The following HGD variants were observed in gnomAD, a reference collection of about 807,000 sequenced individuals.
HGD encodes the protein homogentisate 1,2-dioxygenase, also known as homogentisate oxidase.
In HGD, 61 loss-of-function variants were observed where a neutral mutation model predicts 60.8. That is an observed-to-expected ratio of 1.00 (90% CI 0.82 to 1.24). HGD has a LOEUF of 1.24. Ranked by LOEUF, HGD falls within the 50% of genes most tolerant of loss-of-function variation. HGD has a pLI of 0.00. For missense variants in HGD, 542 were observed against 547.1 expected (o/e 0.99, Z 0.09); for synonymous variants, 212 against 187.7 (o/e 1.13, Z -1.06).
At chr3:120,671,416 T>C (rs1188728307) in intron 3 of HGD, among the ~76,000 whole-genome samples, 2 of 152,220 alleles carry the variant, frequency 1.3e-5, no homozygotes, top group African/African-American at 4.8e-5. Context: ...ATAGTTTTTC[T>C]GTGAATTACT....
intron 4 of HGD, among the ~76,000 whole-genome samples, chr3:120,667,223 G>C (rs995692667): frequency 7.3e-5 from 11 of 150,580 alleles, no homozygotes; most frequent in African/African-American, 2.7e-4. Flanking sequence ...CTACTCAGGG[G>C]ACTGAGGTAG....
Position 120,638,350 on chromosome 3 carries a change from T to C in HGD, c.1006+105A>G. 2.2e-6 allele frequency: 3 copies of C among 1,365,800 alleles called. 1 individual carries two copies. Among genetic ancestry groups the C allele is most frequent in the South Asian group, 2.3e-5 (2 of 85,422 alleles). The allele number at this position is 1,365,800 out of a possible 1,614,324, so 84.6% of individuals were successfully genotyped here. On this transcript the variant is annotated intron_variant, in intron 12 of 13. Coordinates refer to ENST00000283871, the MANE Select transcript of HGD (RefSeq NM_000187.4). ...GCAGCAGGATCCTGAATTCATGCCA[T>C]GGTGGGTGTCCAGAAATAACCCAGG...
intron 3 of HGD, among the ~76,000 whole-genome samples, chr3:120,670,852 T>A (rs953159114): frequency 6.6e-6 from 1 of 152,218 alleles, no homozygotes; most frequent in Non-Finnish European, 1.5e-5. Context: ...TTGAGGGATA[T>A]CTGTGTAGGA....
chr3:120,676,556 C>T (rs535449991), intron 1 of HGD, among the ~76,000 whole-genome samples: 10 of 152,280 alleles, frequency 6.6e-5, no homozygotes, highest in African/African-American at 2.4e-4. Flanking sequence ...GGCTTTTTTG[C>T]TAGCCTATAA....
At chr3:120,653,398 G>C (rs553185933) in intron 4 of HGD, among the ~76,000 whole-genome samples, 1 of 152,324 alleles carries the variant, frequency 6.6e-6, no homozygotes, top group African/African-American at 2.4e-5. Context: ...GATAAGCCCA[G>C]CTGCCACGTT....
chr3:120,634,239 A>G (rs1940686547), intron 12 of HGD, among the ~76,000 whole-genome samples: 1 of 152,220 alleles, frequency 6.6e-6, no homozygotes, highest in South Asian at 2.1e-4. Context: ...TTGCTTTTAT[A>G]TGAGTTAAAT....
rs747286602 is a variant in HGD at position 120,628,455 on chromosome 3, C to G, written c.1263G>C (p.Glu421Asp). 2 of 1,614,008 alleles carry G rather than the reference C, an allele frequency of 1.2e-6. No homozygotes were observed. The highest frequency in any genetic ancestry group is 3.3e-5 in the Admixed American group (2 of 60,002). The change falls in exon 14 of 14, where the codon GAG becomes GAC. Residue 421 changes from glutamate (E) to aspartate (D), a missense_variant. Transcript: ENST00000283871. ...WGLKASRCLD[E>D]NYHKCWEPLK... ...GTGGCTCCCAGCACTTGTGGTAGTT[C>G]TCATCCAAACACCTGGAGGCCTTGA...
At chr3:120,676,758 A>G (rs1261925750) in intron 1 of HGD, among the ~76,000 whole-genome samples, 1 of 152,206 alleles carries the variant, frequency 6.6e-6, no homozygotes, top group African/African-American at 2.4e-5. Context: ...ATGAAAATGC[A>G]GTCTTGCTCA....
At chr3:120,639,707 C>A (rs907324936) in intron 11 of HGD, among the ~76,000 whole-genome samples, 2 of 150,488 alleles carry the variant, frequency 1.3e-5, no homozygotes, top group Non-Finnish European at 3.0e-5. Flanking sequence ...TGGGAGAATA[C>A]GGAGATTCCA....
intron 1 of HGD, among the ~76,000 whole-genome samples, chr3:120,681,421 T>A (rs1708228317): frequency 6.6e-6 from 1 of 152,230 alleles, no homozygotes; most frequent in East Asian, 1.9e-4. Context: ...GGACTTCGCA[T>A]TCAAACATAC....
chr3:120,639,985 C>T (rs1048593211), intron 11 of HGD, among the ~76,000 whole-genome samples: 3 of 151,830 alleles, frequency 2.0e-5, no homozygotes, highest in Non-Finnish European at 4.4e-5. Context: ...TCATGGGGAT[C>T]GATTCCCTGC....
Position 120,675,806 on chromosome 3 carries a change from G to T in HGD, c.73C>A (p.Leu25Met). 1 of 1,613,360 alleles carries T rather than the reference G, an allele frequency of 6.2e-7. No individual in the cohort carries two copies. The change falls in exon 2 of 14, where the codon CTG (leucine) becomes ATG (methionine). Residue 25 changes from leucine (L) to methionine (M), a missense_variant. By Grantham distance (15) the Leu-to-Met change is conservative. Coordinates refer to ENST00000283871, the MANE Select transcript of HGD (RefSeq NM_000187.4). ...SSEDPRCPGS[L>M]PEGQNNPQVC... is the part of the protein sequence containing the mutation. The stretch of plus-strand genomic sequence containing the variant: ...TTTGCTCATACCTGTCCTTCTGGCA[G>T]GGAACCTGGGCAGCGAGGATCCTCT...
chr3:120,669,329 C>A (rs1463316634), intron 4 of HGD, among the ~76,000 whole-genome samples: 5 of 151,570 alleles, frequency 3.3e-5, no homozygotes, highest in Non-Finnish European at 7.4e-5. Flanking sequence ...AATATTTTGA[C>A]CAACCTATAA....
intron 1 of HGD, among the ~76,000 whole-genome samples, chr3:120,676,238 C>A (rs1423279191): frequency 6.6e-6 from 1 of 152,194 alleles, no homozygotes; most frequent in African/African-American, 2.4e-5. Flanking sequence ...ACCCTGACAG[C>A]AAAACCCTCT....
chr3:120,667,578 A>T (rs1707929657), intron 4 of HGD, among the ~76,000 whole-genome samples: 1 of 151,970 alleles, frequency 6.6e-6, no homozygotes. Flanking sequence ...TTTAAAACCT[A>T]ACCTCCCACC....
rs1940480544 is a variant in HGD at position 120,628,240 on chromosome 3, C to CA, written c.*139dup. 1 of 942,660 alleles carries CA rather than the reference C, an allele frequency of 1.1e-6. No homozygotes were observed. Among genetic ancestry groups the CA allele is most frequent in the Admixed American group, 1.8e-5 (1 of 54,198 alleles). 58.4% of individuals were successfully genotyped at this position (942,660 alleles called of 1,614,324 possible). A position where few individuals can be genotyped will look rare whatever the true frequency, so the allele number is the denominator to read the frequency against. ...CCATAGAACTTTGCAAATGCGTTTC[C>CA]ATAAAAGTTCTGAGTTACTTGACTA... is the stretch of plus-strand genomic sequence containing the variant. On this transcript the variant is annotated 3_prime_UTR_variant, in exon 14 of 14. Coordinates refer to ENST00000283871, the MANE Select transcript of HGD (RefSeq NM_000187.4).
intron 4 of HGD, among the ~76,000 whole-genome samples, chr3:120,662,260 C>T (rs1462835642): frequency 6.6e-6 from 1 of 151,986 alleles, no homozygotes; most frequent in South Asian, 2.1e-4. Context: ...TAATTTAGCA[C>T]GCTGATTCTG....
chr3:120,640,966 C>T lies in HGD; in HGVS notation c.879+623G>A, dbSNP rs142064492. On this transcript the variant is annotated intron_variant, in intron 11 of 13. Transcript: ENST00000283871. ...CTTCCCCCCGGGGTCTCAGAACCAC[C>T]ACTTTATTAAGAATGTAGGGTCTTG... Among the ~76,000 whole-genome samples, 1,278 of 152,232 alleles carry T rather than the reference C, an allele frequency of 8.4e-3. 22 individuals are homozygous for T. The highest frequency in any genetic ancestry group is 0.029 in the African/African-American group (1,218 of 41,522).
At chr3:120,646,447 T>C (rs1311550442) in intron 8 of HGD, 81 bp from the exon 9 acceptor site, 7 of 874,706 alleles carry the variant, frequency 8.0e-6, no homozygotes, top group Non-Finnish European at 1.4e-5. Context: ...CCATAGCCCA[T>C]CCCACATGCA....
Sources: allele counts gnomAD v4.1 joint callset (sites outside exome capture counted in the v4.1 genomes callset), GRCh38; gene constraint gnomAD v4.1.1; transcripts MANE v1.5; gene names NCBI Gene and HGNC (gene_info 2026-07-23, HGNC 2026-07-21).